Variants in KDR observed in about 807,000 individuals in gnomAD.
The protein encoded by KDR is vascular endothelial growth factor receptor 2.
KDR carries 43 observed loss-of-function variants against 160.9 expected under a neutral mutation model. The observed-to-expected ratio is 0.27, with a 90% CI of 0.21 to 0.34. KDR has a LOEUF of 0.34. Ranked by LOEUF, KDR falls within the 10% of genes least tolerant of loss-of-function variation. The pLI is 1.00. For missense variants in KDR, 1,469 were observed against 1,666.4 expected (o/e 0.88, Z 2.06); for synonymous variants, 617 against 600.1 (o/e 1.03, Z -0.41).
At chr4:55,121,789 A>G (rs1198490304) in intron 1 of KDR, among the ~76,000 whole-genome samples, 2 of 152,214 alleles carry the variant, frequency 1.3e-5, no homozygotes, top group African/African-American at 4.8e-5. Context: ...GGAAGAGAAA[A>G]CATTCCCCAA....
At position 55,096,702 on chromosome 4, in the gene KDR, A is replaced by G. The variant is rs73816206; in HGVS notation, c.2615-360T>C. 6.6e-3 allele frequency: 2,179 copies of G among 331,274 alleles called. 38 individuals are homozygous for G. The highest frequency in any genetic ancestry group is 0.043 in the African/African-American group (2,005 of 47,148). 20.5% of individuals were successfully genotyped at this position (331,274 alleles called of 1,614,324 possible). On this transcript the variant is annotated intron_variant, in intron 18 of 29. Transcript: ENST00000263923. ...ATTCTGAGGGTCTGATCATTTCAGC[A>G]CTTCCTCATAAGGAAGCAACACCAT...
At chr4:55,123,308 A>G (rs1478834616) in intron 1 of KDR, among the ~76,000 whole-genome samples, 3 of 152,170 alleles carry the variant, frequency 2.0e-5, no homozygotes, top group Admixed American at 2.0e-4. Context: ...AAAAACCATT[A>G]TTTGGGCACA....
chr4:55,090,202 T>A (rs1719974413), intron 22 of KDR, 124 bp from the exon 23 acceptor site: 1 of 1,084,114 alleles, frequency 9.2e-7, no homozygotes, highest in African/African-American at 1.6e-5. Context: ...AGGACTGGGT[T>A]AGTATCTTTT....
chr4:55,106,833 C>T (rs774799927), intron 10 of KDR, 23 bp from the exon 11 acceptor site: 39 of 1,593,570 alleles, frequency 2.4e-5, no homozygotes, highest in Admixed American at 1.7e-4. Flanking sequence ...GATAACAGCG[C>T]ATATTATGAT....
In KDR at chr4:55,102,387, A is replaced by T. The variant is rs775165889; in HGVS notation, c.2109T>A (p.Asp703Glu). ...CTGAGTCTTCTACAAGGGTCTCATT[A>T]TCTTTAAACCACATGATCTGTGGAG... ...NPPPQIMWFK[D>E]NETLVEDSGI... The change falls in exon 14 of 30, where the codon GAT becomes GAA. Residue 703 changes from aspartate to glutamate, a missense_variant. Physicochemically the swap from Asp to Glu is conservative, Grantham distance 45. This residue lies in a region of KDR where 39 missense variants were observed against 72.1 expected (regional missense o/e 0.54). Transcript: ENST00000263923. 1 of 1,613,744 alleles carries T rather than the reference A, an allele frequency of 6.2e-7. No homozygotes were observed. The highest frequency in any genetic ancestry group is 8.5e-7 in the Non-Finnish European group (1 of 1,179,726).
chr4:55,095,022 T>A, intron 20 of KDR, 67 bp from the exon 21 acceptor site: 3 of 1,456,894 alleles, frequency 2.1e-6, no homozygotes, highest in Non-Finnish European at 2.9e-6. Flanking sequence ...GTTTACAACC[T>A]TTAAAATGTA....
chr4:55,122,485 C>A (rs550634233), intron 1 of KDR, among the ~76,000 whole-genome samples: 69 of 152,136 alleles, frequency 4.5e-4, no homozygotes, highest in Non-Finnish European at 9.0e-4. Flanking sequence ...AAGTATGAGA[C>A]GGAATAAATA....
intron 22 of KDR, 74 bp from the exon 23 acceptor site, chr4:55,090,152 T>A: frequency 3.2e-6 from 5 of 1,570,954 alleles, no homozygotes; most frequent in Admixed American, 1.7e-5. Flanking sequence ...ACCTCATGCA[T>A]CAAAAAAAAA....
At position 55,110,389 on chromosome 4, in the gene KDR, T is replaced by C. The variant is rs1197867122; in HGVS notation, c.1255+14A>G. On this transcript the variant is annotated intron_variant, in intron 9 of 29. Coordinates refer to ENST00000263923, the MANE Select transcript of KDR (RefSeq NM_002253.4). Reference sequence around the variant, plus strand: ...AATAAATCTTGGGCAGAGAGGAAAATTGAATGGACTCACCATACACAACCA... The same window carrying C: ...AATAAATCTTGGGCAGAGAGGAAAACTGAATGGACTCACCATACACAACCA... 1.9e-6 allele frequency: 3 copies of C among 1,613,192 alleles called. No homozygotes were observed. The Admixed American group carries it at 5.0e-5, about 27-fold the overall frequency.
intron 22 of KDR, among the ~76,000 whole-genome samples, chr4:55,090,486 G>A (rs905448323): frequency 1.3e-5 from 2 of 152,156 alleles, no homozygotes; most frequent in Admixed American, 6.5e-5. Context: ...GAAACAAGGG[G>A]CTCTCATTGG....
intron 21 of KDR, among the ~76,000 whole-genome samples, 186 bp from the exon 22 acceptor site, chr4:55,092,900 C>T (rs965443681): frequency 2.6e-5 from 4 of 152,050 alleles, no homozygotes; most frequent in African/African-American, 9.7e-5. Flanking sequence ...TTCATCATAC[C>T]CCCTTAGGAA....
intron 1 of KDR, among the ~76,000 whole-genome samples, chr4:55,122,252 G>T (rs1720899827): frequency 6.6e-6 from 1 of 152,160 alleles, no homozygotes; most frequent in African/African-American, 2.4e-5. Flanking sequence ...TAAATGTGAA[G>T]AGCTATGAGG....
At chr4:55,092,534 A>G in intron 22 of KDR, 83 bp downstream of exon 22, 1 of 965,608 alleles carries the variant, frequency 1.0e-6, no homozygotes, top group South Asian at 1.3e-5. Flanking sequence ...AATCCCAAAC[A>G]AGCACCAATG....
At chr4:55,123,494 T>C (rs73147083) in intron 1 of KDR, among the ~76,000 whole-genome samples, 7,660 of 152,308 alleles carry the variant, frequency 0.05, 532 homozygotes, top group African/African-American at 0.16. Flanking sequence ...CCTTCATTCA[T>C]AGGAAGCTGA....
intron 28 of KDR, 79 bp from the exon 29 acceptor site, chr4:55,082,120 C>A (rs940129291): frequency 9.9e-7 from 1 of 1,014,150 alleles, no homozygotes; most frequent in Non-Finnish European, 1.6e-6. Context: ...GATTTCTCAA[C>A]CCATCTATCA....
intron 26 of KDR, 149 bp from the exon 27 acceptor site, chr4:55,087,907 CAT>C (rs1394096144): frequency 7.8e-6 from 6 of 771,394 alleles, no homozygotes; most frequent in Middle Eastern, 3.7e-4. Flanking sequence ...CAATACAAAT[CAT>C]GTGTCAGAAA....
chr4:55,082,877 C>T (rs1719772255), intron 27 of KDR, among the ~76,000 whole-genome samples: 2 of 152,228 alleles, frequency 1.3e-5, no homozygotes, highest in Admixed American at 6.5e-5. Flanking sequence ...TTGAATCCTA[C>T]TTCTGAGGTC....
intron 17 of KDR, 80 bp downstream of exon 17, chr4:55,098,057 A>G (rs1177240992): frequency 6.5e-7 from 1 of 1,537,034 alleles, no homozygotes; most frequent in East Asian, 2.2e-5. Flanking sequence ...ATCTGAATAC[A>G]CCACATTTGT....
chr4:55,118,800 C>A lies in KDR; in HGVS notation c.162G>T (p.Arg54Ser). 6.2e-7 allele frequency: 1 copy of A among 1,613,634 alleles called. No homozygotes were observed. Among genetic ancestry groups the A allele is most frequent in the Non-Finnish European group, 8.5e-7 (1 of 1,179,610 alleles). Reference protein sequence around the residue: ...KANTTLQITCRGQRDLDWLWP... With the variant: ...KANTTLQITCSGQRDLDWLWP... ...AAAGCCAGTCCAAGTCCCTCTGTCCCCTGAAAAATTAATTTCAGGGAGGTA... is the reference window on the plus strand; with the variant it reads ...AAAGCCAGTCCAAGTCCCTCTGTCCACTGAAAAATTAATTTCAGGGAGGTA... The change falls in exon 3 of 30, where the codon AGG becomes AGT. Residue 54 changes from arginine (R) to serine (S), a missense_variant and splice_region_variant. Around this residue, in one of 7 missense-constraint regions of KDR, gnomAD observed 792 missense variants for 840.9 expected, o/e 0.94. Transcript: ENST00000263923.
Sources: allele counts gnomAD v4.1 joint callset (sites outside exome capture counted in the v4.1 genomes callset), GRCh38; gene constraint gnomAD v4.1.1; regional missense constraint gnomAD v4.1.1; transcripts MANE v1.5; gene names NCBI Gene and HGNC (gene_info 2026-07-23, HGNC 2026-07-21).